The following DOCK2 variants were observed in gnomAD, a reference collection of about 807,000 sequenced individuals.
The protein encoded by DOCK2 is dedicator of cytokinesis protein 2.
DOCK2 carries 87 observed loss-of-function variants against 248.9 expected under a neutral mutation model. The ratio of observed to expected loss-of-function variants is 0.35; its 90% CI spans 0.29 to 0.42. The LOEUF is 0.42. Among genes scored for constraint, DOCK2 ranks in the 10% least tolerant of loss-of-function variants. DOCK2 has a pLI of 1.00. For synonymous variants in DOCK2, 805 were observed against 821.6 expected, an observed-to-expected ratio of 0.98 and a Z score of 0.35; for missense variants, 1,747 against 2,300.2, an observed-to-expected ratio of 0.76 and a Z score of 4.92.
chr5:169,698,314 G>A, intron 10 of DOCK2, 60 bp from the exon 11 acceptor site: 2 of 1,569,904 alleles, frequency 1.3e-6, no homozygotes, highest in East Asian at 2.3e-5. Flanking sequence ...TCATCCCACT[G>A]TCATCCCTTA....
chr5:169,888,106 G>A (rs890261385), intron 27 of DOCK2, among the ~76,000 whole-genome samples: 1 of 152,198 alleles, frequency 6.6e-6, no homozygotes, highest in African/African-American at 2.4e-5. Flanking sequence ...TTTTTAGACA[G>A]AGCCTAGGAA....
At chr5:169,955,014 G>C (rs1776806248) in intron 27 of DOCK2, among the ~76,000 whole-genome samples, 1 of 152,224 alleles carries the variant, frequency 6.6e-6, no homozygotes, top group Admixed American at 6.5e-5. Flanking sequence ...GAAGGCTCAA[G>C]GGATTGGAAG....
intron 25 of DOCK2, chr5:169,773,085 C>A (rs1469773954): frequency 6.6e-6 from 1 of 152,202 alleles, no homozygotes; most frequent in East Asian, 1.9e-4. Flanking sequence ...ACCAAAACGT[C>A]CCTTCCACAC....
At chr5:170,055,429 C>G (rs561840409) in intron 42 of DOCK2, 43 bp downstream of exon 42, 1 of 1,579,490 alleles carries the variant, frequency 6.3e-7, no homozygotes, top group South Asian at 1.1e-5. Context: ...GGGAAGAGAA[C>G]CCATTGGGGC....
At chr5:169,740,604 G>A (rs1193821712) in intron 22 of DOCK2, among the ~76,000 whole-genome samples, 5 of 152,170 alleles carry the variant, frequency 3.3e-5, no homozygotes, top group Non-Finnish European at 7.3e-5. Context: ...TCTGCACCCC[G>A]CCTGTTGGCT....
chr5:169,979,903 C>T (rs1224161024), intron 27 of DOCK2, among the ~76,000 whole-genome samples: 3 of 152,046 alleles, frequency 2.0e-5, no homozygotes, highest in Non-Finnish European at 4.4e-5. Flanking sequence ...GACTAGAATC[C>T]CCCTCCCTTT....
intron 27 of DOCK2, among the ~76,000 whole-genome samples, chr5:169,972,597 T>C (rs1024848067): frequency 1.4e-4 from 19 of 135,410 alleles, no homozygotes; most frequent in Non-Finnish European, 2.6e-4. Context: ...GATAGATAGA[T>C]AGATAGATAG....
At chr5:169,734,901 A>G (rs1762955780) in intron 22 of DOCK2, among the ~76,000 whole-genome samples, 1 of 152,208 alleles carries the variant, frequency 6.6e-6, no homozygotes, top group South Asian at 2.1e-4. Flanking sequence ...GGGCTTGCAG[A>G]CGCCTTTGGG....
chr5:169,943,078 A>G (rs1422906057), intron 27 of DOCK2, among the ~76,000 whole-genome samples: 4 of 152,170 alleles, frequency 2.6e-5, no homozygotes, highest in Admixed American at 2.6e-4. Context: ...GGTCTTTGGA[A>G]CGCTCTGCAG....
chr5:170,032,738 A>G (rs1756185097), intron 34 of DOCK2, among the ~76,000 whole-genome samples: 1 of 152,108 alleles, frequency 6.6e-6, no homozygotes, highest in Non-Finnish European at 1.5e-5. Context: ...CAGAGTGAAG[A>G]TGGATTTGTC....
intron 44 of DOCK2, among the ~76,000 whole-genome samples, chr5:170,063,502 T>C (rs532542132): frequency 1.2e-3 from 189 of 152,328 alleles, no homozygotes; most frequent in African/African-American, 3.7e-3. Flanking sequence ...CAGTGGCTAC[T>C]TGATGGCCTG....
At chr5:169,824,049 G>C (rs1222823204) in intron 26 of DOCK2, among the ~76,000 whole-genome samples, 1 of 152,054 alleles carries the variant, frequency 6.6e-6, no homozygotes, top group African/African-American at 2.4e-5. Flanking sequence ...AAATACCTAG[G>C]AATCCAACTT....
At chr5:170,069,922 T>G (rs192402605) in intron 46 of DOCK2, among the ~76,000 whole-genome samples, 4 of 152,298 alleles carry the variant, frequency 2.6e-5, no homozygotes, top group Admixed American at 2.0e-4. Flanking sequence ...AAGCCTGCAC[T>G]TCTATTCCTT....
intron 27 of DOCK2, among the ~76,000 whole-genome samples, chr5:169,898,405 T>G (rs1561805974): frequency 6.6e-6 from 1 of 152,166 alleles, no homozygotes; most frequent in African/African-American, 2.4e-5. Context: ...GGGTTTAAAA[T>G]CCAGCTGTCT....
intron 20 of DOCK2, among the ~76,000 whole-genome samples, chr5:169,716,863 A>C (rs1761940445): frequency 6.6e-6 from 1 of 152,200 alleles, no homozygotes; most frequent in African/African-American, 2.4e-5. Flanking sequence ...TGCATTAGGG[A>C]ATCAGTGCCC....
At chr5:169,641,477 T>G (rs1312914173) in intron 1 of DOCK2, among the ~76,000 whole-genome samples, 1 of 152,250 alleles carries the variant, frequency 6.6e-6, no homozygotes, top group Non-Finnish European at 1.5e-5. Flanking sequence ...TGGTGTCATT[T>G]GCACATGGAT....
chr5:169,973,518 CA>C (rs527951805), intron 27 of DOCK2, among the ~76,000 whole-genome samples: 1 of 152,140 alleles, frequency 6.6e-6, no homozygotes, highest in African/African-American at 2.4e-5. Context: ...TCCCCATTCA[CA>C]AAGAGAGAAC....
intron 1 of DOCK2, among the ~76,000 whole-genome samples, chr5:169,638,075 C>CT (rs1002406421): frequency 1.3e-5 from 2 of 152,212 alleles, no homozygotes; most frequent in African/African-American, 2.4e-5. Context: ...TGCTGCTACT[C>CT]TAAGTGTCAT....
At chr5:169,833,393 A>T (rs1769357491) in intron 26 of DOCK2, among the ~76,000 whole-genome samples, 1 of 152,212 alleles carries the variant, frequency 6.6e-6, no homozygotes, top group Non-Finnish European at 1.5e-5. Context: ...AAAGGTAGGA[A>T]TCATACGGAA....
Sources: gnomAD v4.1 joint callset for allele counts (sites outside exome capture counted in the v4.1 genomes callset) on GRCh38, gnomAD v4.1.1 for gene constraint, MANE v1.5 for transcripts, NCBI Gene and HGNC (gene_info 2026-07-23, HGNC 2026-07-21) for gene names.